The following TTLL4 variants were observed in gnomAD, a reference collection of about 807,000 sequenced individuals.
TTLL4 encodes the protein tubulin monoglutamylase TTLL4.
TTLL4 carries 85 observed loss-of-function variants against 122.7 expected under a neutral mutation model. The observed-to-expected ratio is 0.69, with a 90% CI of 0.58 to 0.83. The LOEUF is 0.83. TTLL4 is among the 40% of genes least tolerant of loss of function. The probability of loss-of-function intolerance (pLI) is 0.00; values close to 1 mark genes in which losing one functional copy is unlikely to be tolerated. For synonymous variants in TTLL4, 553 were observed against 563.0 expected (o/e 0.98, Z 0.25); for missense variants, 1,363 against 1,488.6 (o/e 0.92, Z 1.39).
At chr2:218,736,224 C>T (rs929021455) in intron 2 of TTLL4, 1 of 152,248 alleles carries the variant, frequency 6.6e-6, no homozygotes. Flanking sequence ...ATCTGCCTGC[C>T]TCAGCCTCCT....
At position 218,740,447 on chromosome 2, in the gene TTLL4, A is replaced by AG. The variant is rs1207102088; in HGVS notation, c.1598-73dup. 5 of 1,483,122 alleles carry AG rather than the reference A, an allele frequency of 3.4e-6. No homozygotes were observed. The African/African-American group carries it at 6.9e-5, about 21-fold the overall frequency. 91.9% of individuals were successfully genotyped at this position (1,483,122 alleles called of 1,614,324 possible). ...GGGTTGAGCCCAGGATATTCAAGGA[A>AG]GAGTTGCCTAGGCTTGGTAAGTTTG... On this transcript the variant is annotated intron_variant, in intron 4 of 19. Transcript: ENST00000392102.
intron 2 of TTLL4, chr2:218,727,977 A>AT (rs754453848): frequency 5.9e-5 from 9 of 151,694 alleles, no homozygotes; most frequent in African/African-American, 1.2e-4. Context: ...TTGTTTAGAG[A>AT]TTTTTTGTAA....
intron 15 of TTLL4, 38 bp downstream of exon 15, chr2:218,750,184 T>A: frequency 6.2e-7 from 1 of 1,604,264 alleles, no homozygotes; most frequent in Non-Finnish European, 8.5e-7. Context: ...GCTGGCAGCA[T>A]GAGTAGCCCT....
rs575142018 is a variant in TTLL4, at chr2:218,715,818, G to T, written c.-178+4781G>T. 5.3e-5 allele frequency among the ~76,000 whole-genome samples: 8 copies of T among 152,214 alleles called. No homozygotes were observed. In the East Asian group the frequency reaches 1.5e-3, roughly 29 times the overall value. The stretch of plus-strand genomic sequence containing the variant: ...CTAATTTTTTTGTATTTTTAGTAGA[G>T]ATGGGGTTTCACCATGTTAGCCAGG... On this transcript the variant is annotated intron_variant, in intron 1 of 19. Transcript: ENST00000392102.
At chr2:218,758,926 C>T (rs1314309983), downstream of TTLL4, among the ~76,000 whole-genome samples, 1 of 152,194 alleles carries the variant, frequency 6.6e-6, no homozygotes, top group Non-Finnish European at 1.5e-5. Context: ...TATCTCTGTT[C>T]AGTGGAATAC....
intron 7 of TTLL4, 176 bp downstream of exon 7, chr2:218,745,977 A>G: frequency 1.1e-6 from 1 of 876,186 alleles, no homozygotes; most frequent in South Asian, 1.5e-5. Context: ...GTTGTTCAGA[A>G]TTGAGAGACA....
chr2:218,746,924 A>G, intron 8 of TTLL4, 79 bp from the exon 9 acceptor site: 4 of 1,476,850 alleles, frequency 2.7e-6, no homozygotes, highest in Non-Finnish European at 3.7e-6. Flanking sequence ...AGAAGTTGGA[A>G]TGGTAGAATG....
intron 15 of TTLL4, among the ~76,000 whole-genome samples, chr2:218,750,455 C>G: frequency 6.6e-6 from 1 of 152,078 alleles, no homozygotes; most frequent in East Asian, 1.9e-4. Context: ...GCTAGAAGTT[C>G]ACAGCTCTAG....
chr2:218,721,338 G>A (rs1224560690), intron 1 of TTLL4, among the ~76,000 whole-genome samples: 1 of 152,170 alleles, frequency 6.6e-6, no homozygotes, highest in Non-Finnish European at 1.5e-5. Context: ...CCAAGGTGTT[G>A]GGATTACAGG....
In TTLL4 at chr2:218,738,869, G is replaced by A. The variant is rs1942617794; in HGVS notation, c.1193G>A (p.Arg398Gln). 6.2e-7 allele frequency: 1 copy of A among 1,614,164 alleles called. No individual in the cohort carries two copies. The highest frequency in any genetic ancestry group is 1.7e-5 in the Admixed American group (1 of 60,022). The change falls in exon 3 of 20, where the codon CGG (arginine) becomes CAG (glutamine). Residue 398 changes from arginine (R) to glutamine (Q), a missense_variant. By Grantham distance (43) the Arg-to-Gln change is conservative. This residue lies in a region of TTLL4 where 760 missense variants were observed against 808.4 expected (regional missense o/e 0.94). Coordinates refer to ENST00000392102, the MANE Select transcript of TTLL4 (RefSeq NM_014640.5). Reference protein sequence around the residue: ...FPQEDAGSVRRVLPGASDTLG... With the variant: ...FPQEDAGSVRQVLPGASDTLG... Reference sequence around the variant, plus strand: ...CAGGAGGATGCTGGATCGGTCAGGCGGGTCCTCCCTGGTGCCTCAGATACC... The same window carrying A: ...CAGGAGGATGCTGGATCGGTCAGGCAGGTCCTCCCTGGTGCCTCAGATACC...
At chr2:218,732,445 C>A (rs1303102677) in intron 2 of TTLL4, among the ~76,000 whole-genome samples, 1 of 152,160 alleles carries the variant, frequency 6.6e-6, no homozygotes, top group African/African-American at 2.4e-5. Flanking sequence ...ATATAAGGGA[C>A]ACTGGGAGAA....
chr2:218,735,957 C>T (rs576718544), intron 2 of TTLL4, among the ~76,000 whole-genome samples: 1 of 145,092 alleles, frequency 6.9e-6, no homozygotes, highest in African/African-American at 2.6e-5. Context: ...ATGTAGCCAC[C>T]GTGCCCAGCC....
At chr2:218,734,832 C>T (rs1462482912) in intron 2 of TTLL4, among the ~76,000 whole-genome samples, 4 of 152,262 alleles carry the variant, frequency 2.6e-5, no homozygotes, top group Middle Eastern at 6.8e-3. Context: ...CTTGTAGTCT[C>T]GTAAAGTGAA....
chr2:218,724,460 A>G (rs773472126), intron 1 of TTLL4, among the ~76,000 whole-genome samples: 6 of 152,162 alleles, frequency 3.9e-5, no homozygotes, highest in Non-Finnish European at 7.4e-5. Flanking sequence ...GTTAACCACC[A>G]ATCTGTTCTC....
At chr2:218,753,772 G>C (rs1332137225) in intron 19 of TTLL4, 103 bp downstream of exon 19, 2 of 1,305,734 alleles carry the variant, frequency 1.5e-6, no homozygotes, top group Admixed American at 3.4e-5. Flanking sequence ...GCATTCTCCA[G>C]CTGGGGGTTG....
rs114912072 is a variant in TTLL4 at position 218,753,184 on chromosome 2, T to G, written c.3257T>G (p.Val1086Gly). 2.4e-5 allele frequency: 39 copies of G among 1,614,150 alleles called. No individual in the cohort carries two copies. In the African/African-American group the frequency reaches 4.7e-4, roughly 19 times the overall value. Residue 1086 changes from valine to glycine, a missense_variant and splice_region_variant, in exon 18 of 20, where the codon GTG becomes GGG. Physicochemically the swap from Val to Gly is moderately radical, Grantham distance 109. Coordinates refer to ENST00000392102, the MANE Select transcript of TTLL4 (RefSeq NM_014640.5). ...GGAGTTGTCTCTGATTCTGCTCCAG[T>G]GGTGAGTGCTGCCAGTGTGGAGGAC... ...HMGVVSDSAP[V>G]WSLPTSLLTI...
intron 5 of TTLL4, among the ~76,000 whole-genome samples, chr2:218,742,171 A>G (rs1248759349): frequency 6.6e-6 from 1 of 151,972 alleles, no homozygotes; most frequent in Non-Finnish European, 1.5e-5. Flanking sequence ...AGGTCTCATT[A>G]TATTACCCAG....
intron 6 of TTLL4, 30 bp downstream of exon 6, chr2:218,745,263 A>G (rs529217968): frequency 6.2e-6 from 10 of 1,613,286 alleles, no homozygotes; most frequent in African/African-American, 1.3e-5. Flanking sequence ...AAAGCCCAGA[A>G]GAGCCCCCGG....
chr2:218,747,818 GT>G lies in TTLL4; in HGVS notation c.2378+98del, dbSNP rs1942890495. 3.3e-6 allele frequency: 5 copies of G among 1,532,090 alleles called. No individual in the cohort carries two copies. The highest frequency in any genetic ancestry group is 4.4e-6 in the Non-Finnish European group (5 of 1,129,390). The allele number at this position is 1,532,090 out of a possible 1,614,324, so 94.9% of individuals were successfully genotyped here. A position where few individuals can be genotyped will look rare whatever the true frequency, so the allele number is the denominator to read the frequency against. On this transcript the variant is annotated intron_variant, in intron 11 of 19. Coordinates refer to ENST00000392102, the MANE Select transcript of TTLL4 (RefSeq NM_014640.5). The surrounding 1 kb of genome is among the most constrained non-coding windows in gnomAD (Gnocchi z 4.7). Reference sequence around the variant, plus strand: ...CTAGAAGACACCAAACAGAAAAATAGTTTTTGTTAGCAAGGGGAAAGGCAGG... The same window carrying G: ...CTAGAAGACACCAAACAGAAAAATAGTTTTGTTAGCAAGGGGAAAGGCAGG...
Sources: allele counts gnomAD v4.1 joint callset (sites outside exome capture counted in the v4.1 genomes callset), GRCh38; gene constraint gnomAD v4.1.1; regional missense constraint gnomAD v4.1.1; non-coding constraint Gnocchi (gnomAD v3.1); transcripts MANE v1.5; gene names NCBI Gene and HGNC (gene_info 2026-07-23, HGNC 2026-07-21).